Variants in PELI2 observed in about 807,000 individuals in gnomAD.
PELI2 encodes the protein E3 ubiquitin-protein ligase pellino homolog 2.
PELI2 carries 23 observed loss-of-function variants against 42.3 expected under a neutral mutation model. The ratio of observed to expected loss-of-function variants is 0.54; its 90% CI spans 0.39 to 0.77. The LOEUF is 0.77. Among genes scored for constraint, PELI2 ranks in the 30% least tolerant of loss-of-function variants. PELI2 has a pLI of 0.00. For missense variants in PELI2, 463 were observed against 553.2 expected, an observed-to-expected ratio of 0.84 and a Z score of 1.64; for synonymous variants, 245 against 212.2, an observed-to-expected ratio of 1.15 and a Z score of -1.34.
intron 2 of PELI2, among the ~76,000 whole-genome samples, chr14:56,239,699 T>C (rs1566658430): frequency 1.3e-5 from 2 of 152,148 alleles, no homozygotes; most frequent in Non-Finnish European, 2.9e-5. Flanking sequence ...CCTATGGTCC[T>C]TCCCCAAGCC....
intron 2 of PELI2, among the ~76,000 whole-genome samples, chr14:56,222,713 T>A (rs1230508620): frequency 6.6e-6 from 1 of 152,236 alleles, no homozygotes; most frequent in African/African-American, 2.4e-5. Context: ...GGGCAGACAC[T>A]GCACAGGCTT....
intron 2 of PELI2, among the ~76,000 whole-genome samples, chr14:56,239,392 C>G (rs1391958737): frequency 6.6e-6 from 1 of 152,202 alleles, no homozygotes; most frequent in Non-Finnish European, 1.5e-5. Context: ...CTAACTTTGA[C>G]TTACTATCAG....
chr14:56,135,772 G>C lies in PELI2; in HGVS notation c.77+17035G>C, dbSNP rs182336036. On this transcript the variant is annotated intron_variant, in intron 1 of 5. Coordinates refer to ENST00000267460, the MANE Select transcript of PELI2 (RefSeq NM_021255.3). ...TATGTTTTGCTTGCTAAGAAAACTT[G>C]AGTGGTTAACAACCTTGGCTTTATG... 1.4e-3 allele frequency among the ~76,000 whole-genome samples: 215 copies of C among 152,326 alleles called. 1 individual carries two copies. Among genetic ancestry groups the C allele is most frequent in the Non-Finnish European group, 2.6e-3 (180 of 68,022 alleles).
rs987656091 is a variant in PELI2, at chr14:56,135,981, A to T, written c.77+17244A>T. On this transcript the variant is annotated intron_variant, in intron 1 of 5. Transcript: ENST00000267460. ...TGCTTGCATCTTTCTTTGATGGATG[A>T]GGCTTACCTCGTTGATCTTTCTGAA... is the stretch of plus-strand genomic sequence containing the variant. Among the ~76,000 whole-genome samples, 3 of 152,216 alleles carry T rather than the reference A, an allele frequency of 2.0e-5. No homozygotes were observed. The East Asian group carries it at 5.8e-4, about 29-fold the overall frequency.
At chr14:56,236,317 TG>T (rs1186248531) in intron 2 of PELI2, among the ~76,000 whole-genome samples, 1 of 152,208 alleles carries the variant, frequency 6.6e-6, no homozygotes, top group African/African-American at 2.4e-5. Flanking sequence ...CATGAATACC[TG>T]GAGGAGGCCT....
chr14:56,134,856 C>T (rs1162326949), intron 1 of PELI2, among the ~76,000 whole-genome samples: 1 of 150,018 alleles, frequency 6.7e-6, no homozygotes, highest in African/African-American at 2.5e-5. Flanking sequence ...TCTTTTATTA[C>T]ACCATCCCCC....
chr14:56,237,137 A>G (rs1041860347), intron 2 of PELI2, among the ~76,000 whole-genome samples: 3 of 151,946 alleles, frequency 2.0e-5, no homozygotes, highest in Non-Finnish European at 2.9e-5. Flanking sequence ...AATATTCCTT[A>G]CTCACCAGTC....
At position 56,219,534 on chromosome 14, in the gene PELI2, T is replaced by A. The variant is rs774248120; in HGVS notation, c.207+41070T>A. Among the ~76,000 whole-genome samples the A allele has an allele frequency of 3.3e-5, 5 of 152,116 alleles. No homozygotes were observed. Among genetic ancestry groups the A allele is most frequent in the African/African-American group, 4.8e-5 (2 of 41,432 alleles). On this transcript the variant is annotated intron_variant, in intron 2 of 5. Coordinates refer to ENST00000267460, the MANE Select transcript of PELI2 (RefSeq NM_021255.3). This position sits in a 1 kb window ranked among gnomAD's most constrained non-coding sequence, Gnocchi z 4.1. Reference sequence around the variant, plus strand: ...CTCATCTGAGCAGCCTCTCCCTCAATCTTACAAACAGTAGGCATCCACAAG... The same window carrying A: ...CTCATCTGAGCAGCCTCTCCCTCAAACTTACAAACAGTAGGCATCCACAAG...
intron 2 of PELI2, among the ~76,000 whole-genome samples, chr14:56,265,570 A>G (rs1888871646): frequency 6.6e-6 from 1 of 152,140 alleles, no homozygotes; most frequent in Non-Finnish European, 1.5e-5. Flanking sequence ...ATATAAAACC[A>G]AAAATGTGAT....
rs913277390 is a variant in PELI2, at chr14:56,163,438, A to G, written c.78-14897A>G. On this transcript the variant is annotated intron_variant, in intron 1 of 5. Coordinates refer to ENST00000267460, the MANE Select transcript of PELI2 (RefSeq NM_021255.3). The stretch of plus-strand genomic sequence containing the variant: ...TTCTGTTCCATTGGTCTATGTGTCT[A>G]TTTTTATACCAGTACCATGCTGTTT... 3.9e-5 allele frequency among the ~76,000 whole-genome samples: 6 copies of G among 152,064 alleles called. No individual in the cohort carries two copies. The East Asian group carries it at 7.7e-4, about 20-fold the overall frequency.
At chr14:56,284,612 G>T (rs539453232) in intron 3 of PELI2, among the ~76,000 whole-genome samples, 1 of 137,664 alleles carries the variant, frequency 7.3e-6, no homozygotes, top group Admixed American at 7.4e-5. Flanking sequence ...CATTTAATTA[G>T]TATCTATTAA....
chr14:56,150,102 A>G (rs971578093), intron 1 of PELI2, among the ~76,000 whole-genome samples: 2 of 152,214 alleles, frequency 1.3e-5, no homozygotes, highest in Non-Finnish European at 2.9e-5. Flanking sequence ...CGCTTGAGAT[A>G]TAAGGAAAAA....
chr14:56,191,734 A>G (rs1885954955), intron 2 of PELI2, among the ~76,000 whole-genome samples: 1 of 152,246 alleles, frequency 6.6e-6, no homozygotes, highest in African/African-American at 2.4e-5. Context: ...CTGGCAATCT[A>G]AACTATAATT....
chr14:56,249,906 G>A (rs1007544130), intron 2 of PELI2, among the ~76,000 whole-genome samples: 13 of 152,174 alleles, frequency 8.5e-5, no homozygotes, highest in Non-Finnish European at 1.8e-4. Context: ...TTTTGAGGTG[G>A]GGAGAGCATT....
intron 2 of PELI2, among the ~76,000 whole-genome samples, chr14:56,244,911 G>A (rs1490444161): frequency 2.0e-5 from 3 of 152,160 alleles, no homozygotes; most frequent in African/African-American, 4.8e-5. Flanking sequence ...ACAGAAATAA[G>A]AAATAGAATT....
chr14:56,210,054 A>G (rs1413539365), intron 2 of PELI2, among the ~76,000 whole-genome samples: 2 of 152,178 alleles, frequency 1.3e-5, no homozygotes, highest in African/African-American at 2.4e-5. Context: ...TATATTAGAC[A>G]TTGTTATATT....
Position 56,288,477 on chromosome 14 carries a change from C to T in PELI2, c.350C>T (p.Thr117Ile). 6.2e-7 allele frequency: 1 copy of T among 1,614,102 alleles called. No homozygotes were observed. Among genetic ancestry groups the T allele is most frequent in the African/African-American group, 1.3e-5 (1 of 75,056 alleles). ...GAAAGCCCTATCGACTTCGTTGTCA[C>T]AGACACGATTTCTGGCAGCCAGAAC... ...STESPIDFVV[T>I]DTISGSQNTD... is the part of the protein sequence containing the mutation. The change falls in exon 4 of 6, where the codon ACA (threonine) becomes ATA (isoleucine). Residue 117 changes from threonine to isoleucine, a missense_variant. Coordinates refer to ENST00000267460, the MANE Select transcript of PELI2 (RefSeq NM_021255.3). This position sits in a 1 kb window ranked among gnomAD's most constrained non-coding sequence, Gnocchi z 4.6.
rs141631240 is a variant in PELI2, at chr14:56,239,620, C to G, written c.208-40056C>G. 2.0e-4 allele frequency among the ~76,000 whole-genome samples: 31 copies of G among 152,260 alleles called. No homozygotes were observed. The East Asian group carries it at 4.2e-3, about 21-fold the overall frequency. Reference sequence around the variant, plus strand: ...GCTCTGAGTGGCAAACAGAGTAAGCCTCCTGTTTATCCTGTTTGTGGATAT... The same window carrying G: ...GCTCTGAGTGGCAAACAGAGTAAGCGTCCTGTTTATCCTGTTTGTGGATAT... On this transcript the variant is annotated intron_variant, in intron 2 of 5. Transcript: ENST00000267460.
At chr14:56,281,234 T>C (rs1041925941) in intron 3 of PELI2, among the ~76,000 whole-genome samples, 1 of 152,124 alleles carries the variant, frequency 6.6e-6, no homozygotes, top group African/African-American at 2.4e-5. Context: ...ATTGTAGTGT[T>C]GTATATACTA....
Sources: gnomAD v4.1 joint callset for allele counts (sites outside exome capture counted in the v4.1 genomes callset) on GRCh38, gnomAD v4.1.1 for gene constraint, Gnocchi (gnomAD v3.1) non-coding constraint, MANE v1.5 for transcripts, NCBI Gene and HGNC (gene_info 2026-07-23, HGNC 2026-07-21) for gene names.